CSMD1: variants seen among roughly 807,000 people sequenced by gnomAD.
CSMD1 encodes CUB and sushi domain-containing protein 1.
A neutral mutation model predicts 417.5 loss-of-function variants in CSMD1; 213 were observed. That is an observed-to-expected ratio of 0.51 (90% CI 0.46 to 0.57). The LOEUF is 0.57. Ranked by LOEUF, CSMD1 falls within the 20% of genes least tolerant of loss-of-function variation. CSMD1 has a pLI of 0.00. For synonymous variants in CSMD1, 2,862 were observed against 1,736.8 expected, an observed-to-expected ratio of 1.65 and a Z score of -16.11; for missense variants, 6,923 against 4,529.7, an observed-to-expected ratio of 1.53 and a Z score of -15.17.
intron 29 of CSMD1, among the ~76,000 whole-genome samples, chr8:3,217,237 A>T (rs1797932852): frequency 6.6e-6 from 1 of 152,256 alleles, no homozygotes; most frequent in Non-Finnish European, 1.5e-5. Flanking sequence ...CAATGGCATC[A>T]TTCCTATTCT....
chr8:3,457,158 C>A (rs374350825), intron 12 of CSMD1, among the ~76,000 whole-genome samples: 72 of 140,038 alleles, frequency 5.1e-4, no homozygotes, highest in Admixed American at 2.8e-3. Flanking sequence ...ACACCTCATC[C>A]TGTACCTCTC....
intron 7 of CSMD1, among the ~76,000 whole-genome samples, chr8:3,686,311 T>C (rs1445019899): frequency 6.6e-6 from 1 of 152,120 alleles, no homozygotes; most frequent in Non-Finnish European, 1.5e-5. Context: ...CAGCTAACAC[T>C]GTGACTTTCA....
chr8:3,741,230 A>C lies in CSMD1; in HGVS notation c.931+12700T>G, dbSNP rs867279986. ...CTCCGTCTTAAAAAAAAAAAAAAAA[A>C]AAAAAAAAAAACATACAGAAGAAGA... On this transcript the variant is annotated intron_variant, in intron 6 of 69. Transcript: ENST00000635120. 5.2e-4 allele frequency among the ~76,000 whole-genome samples: 78 copies of C among 150,754 alleles called. 2 individuals carry two copies. Among genetic ancestry groups the C allele is most frequent in the Admixed American group, 9.3e-4 (14 of 15,096 alleles).
At chr8:3,555,209 G>C (rs1325304048) in intron 10 of CSMD1, among the ~76,000 whole-genome samples, 2 of 150,800 alleles carry the variant, frequency 1.3e-5, no homozygotes, top group African/African-American at 2.4e-5. Context: ...AGATGGACGG[G>C]AGCTTTTGTG....
At chr8:3,316,051 C>G (rs1487511832) in intron 23 of CSMD1, among the ~76,000 whole-genome samples, 1 of 152,098 alleles carries the variant, frequency 6.6e-6, no homozygotes, top group Admixed American at 6.6e-5. Flanking sequence ...CGTATGTTCT[C>G]TGTTGAGGAT....
intron 57 of CSMD1, among the ~76,000 whole-genome samples, chr8:2,971,389 T>C (rs780375544): frequency 1.3e-5 from 2 of 152,180 alleles, no homozygotes; most frequent in Non-Finnish European, 2.9e-5. Context: ...GTGTCTTTTC[T>C]GAACTTGACG....
At chr8:3,937,985 A>T (rs946753774) in intron 5 of CSMD1, among the ~76,000 whole-genome samples, 8 of 152,188 alleles carry the variant, frequency 5.3e-5, no homozygotes, top group African/African-American at 1.9e-4. Flanking sequence ...ATATCACATG[A>T]ATTTCAAAAT....
At chr8:3,064,797 C>G (rs2128995502) in intron 49 of CSMD1, among the ~76,000 whole-genome samples, 1 of 152,270 alleles carries the variant, frequency 6.6e-6, no homozygotes, top group East Asian at 1.9e-4. Context: ...AAATAACCAG[C>G]ATGAGGTTAA....
rs149393099 is a variant in CSMD1, at chr8:3,530,507, G to C, written c.1345-36781C>G. On this transcript the variant is annotated intron_variant, in intron 10 of 69. Coordinates refer to ENST00000635120, the MANE Select transcript of CSMD1 (RefSeq NM_033225.6). ...TAAACTAATAAAAGCAAAATGTACA[G>C]TGAATCTTTTCGTTTTGTTTTGTTT... is the stretch of plus-strand genomic sequence containing the variant. 3.0e-3 allele frequency among the ~76,000 whole-genome samples: 459 copies of C among 152,248 alleles called. 1 individual carries two copies. The highest frequency in any genetic ancestry group is 0.017 in the Middle Eastern group (5 of 294).
chr8:3,557,917 A>G (rs1799227619), intron 10 of CSMD1, among the ~76,000 whole-genome samples: 1 of 152,152 alleles, frequency 6.6e-6, no homozygotes, highest in Non-Finnish European at 1.5e-5. Context: ...TCAACTCCCT[A>G]AATAAATAGT....
At chr8:4,517,298 G>A (rs1258968283) in intron 2 of CSMD1, among the ~76,000 whole-genome samples, 2 of 152,142 alleles carry the variant, frequency 1.3e-5, no homozygotes, top group Middle Eastern at 3.2e-3. Flanking sequence ...GCTGTATGTC[G>A]TGAGGGTCAG....
chr8:4,201,099 T>G (rs1413828853), intron 3 of CSMD1, among the ~76,000 whole-genome samples: 1 of 152,222 alleles, frequency 6.6e-6, no homozygotes, highest in African/African-American at 2.4e-5. Flanking sequence ...GTCTTACCTT[T>G]CAGAGAATCA....
chr8:3,984,849 G>A (rs1243809845), intron 5 of CSMD1, among the ~76,000 whole-genome samples: 2 of 150,092 alleles, frequency 1.3e-5, no homozygotes, highest in Non-Finnish European at 3.0e-5. Flanking sequence ...GGAGCAAGAA[G>A]AAAGCCAGAA....
intron 5 of CSMD1, among the ~76,000 whole-genome samples, chr8:3,768,573 A>T (rs1039765493): frequency 6.6e-6 from 1 of 152,240 alleles, no homozygotes; most frequent in Non-Finnish European, 1.5e-5. Flanking sequence ...CAGAAACAAG[A>T]GTACTTTAAG....
chr8:3,667,886 G>A (rs927634720), intron 7 of CSMD1, among the ~76,000 whole-genome samples: 6 of 152,140 alleles, frequency 3.9e-5, no homozygotes, highest in Non-Finnish European at 2.9e-5. Flanking sequence ...AAGCAGCCAA[G>A]GCCAGATCAT....
At chr8:4,551,775 C>T (rs1218191552) in intron 2 of CSMD1, among the ~76,000 whole-genome samples, 3 of 152,080 alleles carry the variant, frequency 2.0e-5, no homozygotes, top group Non-Finnish European at 4.4e-5. Context: ...ACCTCTCAGG[C>T]TGAAATGATC....
intron 1 of CSMD1, among the ~76,000 whole-genome samples, chr8:4,860,268 G>C (rs1297517010): frequency 8.0e-6 from 1 of 125,060 alleles, no homozygotes; most frequent in Non-Finnish European, 1.7e-5. Flanking sequence ...TTGTGGGGTG[G>C]GGGGAGGGGG....
rs143276317 is a variant in CSMD1 at position 3,235,683 on chromosome 8, G to C, written c.4154-5452C>G. Among the ~76,000 whole-genome samples, 810 of 152,262 alleles carry C rather than the reference G, an allele frequency of 5.3e-3. 5 individuals carry two copies. The highest frequency in any genetic ancestry group is 0.018 in the African/African-American group (754 of 41,558). ...AATAGAAGTCCACAGAATATCAGTA[G>C]AAACAGTGCCTTGCACTAGTGGTTA... On this transcript the variant is annotated intron_variant, in intron 26 of 69. Transcript: ENST00000635120.
chr8:3,208,405 T>C (rs2116776086), intron 30 of CSMD1, among the ~76,000 whole-genome samples: 1 of 152,262 alleles, frequency 6.6e-6, no homozygotes, highest in South Asian at 2.1e-4. Flanking sequence ...CAGCAGGGAC[T>C]ACAGGTGCAC....
Sources: allele counts gnomAD v4.1 joint callset (sites outside exome capture counted in the v4.1 genomes callset), GRCh38; gene constraint gnomAD v4.1.1; transcripts MANE v1.5; gene names NCBI Gene and HGNC (gene_info 2026-07-23, HGNC 2026-07-21).